The following CCDC178 variants were observed in gnomAD, a reference collection of about 807,000 sequenced individuals.
The protein encoded by CCDC178 is coiled-coil domain containing 178.
In CCDC178, 126 loss-of-function variants were observed where a neutral mutation model predicts 117.4. That is an observed-to-expected ratio of 1.07 (90% CI 0.93 to 1.24). The LOEUF is 1.24. Among genes scored for constraint, CCDC178 ranks in the 50% most tolerant of loss-of-function variants. The pLI is 0.00. For synonymous variants in CCDC178, 283 were observed against 313.4 expected, an observed-to-expected ratio of 0.90 and a Z score of 1.02; for missense variants, 1,030 against 986.9, an observed-to-expected ratio of 1.04 and a Z score of -0.59.
At chr18:33,149,541 A>G (rs776586266) in intron 20 of CCDC178, among the ~76,000 whole-genome samples, 12 of 152,206 alleles carry the variant, frequency 7.9e-5, no homozygotes, top group Non-Finnish European at 1.6e-4. Flanking sequence ...ACTATCAGAG[A>G]TACTCTGACC....
chr18:32,999,971 C>T (rs544338708), intron 21 of CCDC178, among the ~76,000 whole-genome samples: 193 of 152,042 alleles, frequency 1.3e-3, no homozygotes, highest in African/African-American at 4.4e-3. Context: ...AGAATGAAGG[C>T]CATCCAGGAA....
chr18:33,316,602 G>A (rs1024225421), intron 11 of CCDC178, among the ~76,000 whole-genome samples: 2 of 152,172 alleles, frequency 1.3e-5, no homozygotes, highest in Admixed American at 1.3e-4. Flanking sequence ...GATCCACTGG[G>A]TGAAGCCAGC....
intron 11 of CCDC178, among the ~76,000 whole-genome samples, chr18:33,315,421 A>C (rs1261977374): frequency 6.6e-6 from 1 of 152,178 alleles, no homozygotes; most frequent in East Asian, 1.9e-4. Context: ...TGAAAATGAT[A>C]AAACAGGCCA....
In CCDC178 at chr18:33,079,281, A is replaced by G. The variant is rs1183358655; in HGVS notation, c.2388+13480T>C. Among the ~76,000 whole-genome samples, 3 of 152,186 alleles carry G rather than the reference A, an allele frequency of 2.0e-5. No individual in the cohort carries two copies. The East Asian group carries it at 5.8e-4, about 29-fold the overall frequency. ...CACCATATACAAAAATGGACTCAAG[A>G]TGAATTAAAGACTTAAATGCACAAT... On this transcript the variant is annotated intron_variant, in intron 21 of 22. Coordinates refer to ENST00000383096, the MANE Select transcript of CCDC178 (RefSeq NM_001105528.4).
intron 20 of CCDC178, among the ~76,000 whole-genome samples, chr18:33,173,502 GC>G (rs780988908): frequency 9.2e-5 from 14 of 152,122 alleles, no homozygotes; most frequent in Non-Finnish European, 1.8e-4. Flanking sequence ...AAGAAAAGCT[GC>G]CATAAAAAAG....
At chr18:33,428,817 T>G (rs1599310175) in intron 2 of CCDC178, among the ~76,000 whole-genome samples, 11 of 123,752 alleles carry the variant, frequency 8.9e-5, no homozygotes, top group African/African-American at 9.3e-5. Context: ...GTTCCTAGGG[T>G]GAAAAAAAGT....
intron 15 of CCDC178, among the ~76,000 whole-genome samples, chr18:33,235,849 C>T (rs1599034758): frequency 2.0e-5 from 3 of 152,266 alleles, no homozygotes; most frequent in African/African-American, 7.2e-5. Flanking sequence ...ATACATATTA[C>T]TATTAAATTG....
intron 5 of CCDC178, among the ~76,000 whole-genome samples, chr18:33,372,960 A>G (rs1412569957): frequency 1.3e-5 from 2 of 152,104 alleles, no homozygotes; most frequent in African/African-American, 2.4e-5. Context: ...CTGAAGGCAT[A>G]TTTCCTTTTC....
chr18:33,377,985 G>T (rs923822761), intron 5 of CCDC178, among the ~76,000 whole-genome samples: 2 of 152,184 alleles, frequency 1.3e-5, no homozygotes, highest in Non-Finnish European at 2.9e-5. Context: ...TGTAAAAAAT[G>T]ACATTGGTAA....
intron 21 of CCDC178, among the ~76,000 whole-genome samples, chr18:33,032,456 G>A (rs1475894206): frequency 6.6e-6 from 1 of 152,228 alleles, no homozygotes; most frequent in South Asian, 2.1e-4. Flanking sequence ...GGGTTCTCAA[G>A]AGGAGGCGAA....
At chr18:33,028,352 T>C (rs962330344) in intron 21 of CCDC178, among the ~76,000 whole-genome samples, 2 of 151,814 alleles carry the variant, frequency 1.3e-5, no homozygotes, top group Non-Finnish European at 3.0e-5. Flanking sequence ...AATACATTCA[T>C]CATAATACAT....
intron 20 of CCDC178, among the ~76,000 whole-genome samples, chr18:33,129,410 C>T (rs925007018): frequency 5.9e-5 from 9 of 152,156 alleles, no homozygotes; most frequent in Middle Eastern, 6.8e-3. Flanking sequence ...AACTCTGGTT[C>T]TAAAACCACA....
chr18:33,053,630 TAAA>T (rs2056781751), intron 21 of CCDC178, among the ~76,000 whole-genome samples: 1 of 152,060 alleles, frequency 6.6e-6, no homozygotes, highest in South Asian at 2.1e-4. Context: ...TCAATAGAGA[TAAA>T]AATAAGTTAT....
At chr18:33,411,163 A>C (rs1318573921) in intron 3 of CCDC178, among the ~76,000 whole-genome samples, 1 of 152,178 alleles carries the variant, frequency 6.6e-6, no homozygotes, top group African/African-American at 2.4e-5. Flanking sequence ...ATGCACCTGC[A>C]TTTTTATGGT....
intron 20 of CCDC178, among the ~76,000 whole-genome samples, chr18:33,177,631 G>A (rs1852621860): frequency 6.6e-6 from 1 of 152,040 alleles, no homozygotes; most frequent in Non-Finnish European, 1.5e-5. Flanking sequence ...CTCTATTTCT[G>A]TCGACTAATT....
At chr18:33,222,837 T>G (rs1411210030) in intron 18 of CCDC178, among the ~76,000 whole-genome samples, 1 of 152,084 alleles carries the variant, frequency 6.6e-6, no homozygotes, top group African/African-American at 2.4e-5. Context: ...GACTTCTGCA[T>G]GAATCCAATA....
intron 8 of CCDC178, 63 bp downstream of exon 8, chr18:33,348,827 A>G: frequency 9.9e-7 from 1 of 1,009,888 alleles, no homozygotes; most frequent in Non-Finnish European, 1.5e-6. Context: ...TCAGAAATAT[A>G]TTAAATGAAG....
intron 20 of CCDC178, among the ~76,000 whole-genome samples, chr18:33,197,620 T>C (rs1385178720): frequency 7.2e-6 from 1 of 139,812 alleles, no homozygotes; most frequent in African/African-American, 3.0e-5. Context: ...ACTGGATTGC[T>C]TTATCAAAAA....
At chr18:33,350,374 C>T (rs2062959171) in intron 7 of CCDC178, among the ~76,000 whole-genome samples, 1 of 152,010 alleles carries the variant, frequency 6.6e-6, no homozygotes, top group Non-Finnish European at 1.5e-5. Flanking sequence ...ACTATCATCC[C>T]ATCTCATTCC....
Sources: gnomAD v4.1 joint callset for allele counts (sites outside exome capture counted in the v4.1 genomes callset) on GRCh38, gnomAD v4.1.1 for gene constraint, MANE v1.5 for transcripts, NCBI Gene and HGNC (gene_info 2026-07-23, HGNC 2026-07-21) for gene names.